Variants in GSE1 observed in about 807,000 individuals in gnomAD.
GSE1 encodes the protein Gse1 coiled-coil protein.
In GSE1, 32 loss-of-function variants were observed where a neutral mutation model predicts 112.6. That is an observed-to-expected ratio of 0.28 (90% CI 0.21 to 0.38). GSE1 has a LOEUF of 0.38. Among genes scored for constraint, GSE1 ranks in the 10% least tolerant of loss-of-function variants. GSE1 has a pLI of 1.00. For synonymous variants in GSE1, 1,115 were observed against 735.6 expected, an observed-to-expected ratio of 1.52 and a Z score of -8.35; for missense variants, 2,348 against 1,699.2, an observed-to-expected ratio of 1.38 and a Z score of -6.71.
At chr16:85,361,348 G>T (rs113159490) in intron 2 of GSE1, among the ~76,000 whole-genome samples, 1 of 99,416 alleles carries the variant, frequency 1.0e-5, no homozygotes, top group Admixed American at 1.1e-4. Context: ...CACACACACA[G>T]GGGCAGAGAC....
intron 2 of GSE1, among the ~76,000 whole-genome samples, chr16:85,641,963 G>T (rs894466313): frequency 2.6e-5 from 4 of 152,236 alleles, no homozygotes; most frequent in African/African-American, 7.2e-5. Flanking sequence ...GTCGGTAGGC[G>T]AAAGTAGAAA....
intron 1 of GSE1, among the ~76,000 whole-genome samples, chr16:85,332,581 T>A (rs1413790277): frequency 1.3e-5 from 2 of 152,138 alleles, no homozygotes; most frequent in Non-Finnish European, 2.9e-5. Context: ...GACCCTCAGC[T>A]GGTGGGACTG....
Position 85,676,011 on chromosome 16 carries a change from G to A in GSE1, c.*3472G>A, listed in dbSNP as rs2053655441. 1 of 152,626 alleles carries A rather than the reference G, an allele frequency of 6.6e-6. No individual in the cohort carries two copies. Among genetic ancestry groups the A allele is most frequent in the East Asian group, 1.9e-4 (1 of 5,196 alleles). The allele number at this position is 152,626 out of a possible 1,614,324, so 9.5% of individuals were successfully genotyped here. A position where few individuals can be genotyped will look rare whatever the true frequency, so the allele number is the denominator to read the frequency against. On this transcript the variant is annotated 3_prime_UTR_variant, in exon 16 of 16. Transcript: ENST00000253458. Reference sequence around the variant, plus strand: ...TAACAGTAAACCCCATACGCAGGTGGGAGGGAGGAACACCGGTGCCTCGGT... The same window carrying A: ...TAACAGTAAACCCCATACGCAGGTGAGAGGGAGGAACACCGGTGCCTCGGT...
chr16:85,466,809 C>T (rs2050137890), intron 2 of GSE1, among the ~76,000 whole-genome samples: 1 of 152,128 alleles, frequency 6.6e-6, no homozygotes, highest in Admixed American at 6.5e-5. Context: ...CCTGTAATCC[C>T]AGCACTTTGG....
At chr16:85,536,242 C>T (rs75144494) in intron 2 of GSE1, among the ~76,000 whole-genome samples, 1,556 of 152,310 alleles carry the variant, frequency 0.01, 32 homozygotes, top group African/African-American at 0.036. Context: ...CCCTGGCTTG[C>T]TTCCTTTAGG....
At chr16:85,616,925 A>G (rs2048406759) in intron 1 of GSE1, among the ~76,000 whole-genome samples, 1 of 151,994 alleles carries the variant, frequency 6.6e-6, no homozygotes, top group Non-Finnish European at 1.5e-5. Context: ...GCGTGGCCAA[A>G]AGCAGCCCTT....
chr16:85,442,021 G>A (rs2049387675), intron 2 of GSE1, among the ~76,000 whole-genome samples: 1 of 152,178 alleles, frequency 6.6e-6, no homozygotes, highest in African/African-American at 2.4e-5. Flanking sequence ...ACCTCCACGT[G>A]GGCCCCTGCT....
chr16:85,249,104 A>C (rs1029467432), intron 1 of GSE1, among the ~76,000 whole-genome samples: 4 of 152,188 alleles, frequency 2.6e-5, no homozygotes, highest in Non-Finnish European at 5.9e-5. Context: ...AAGTCCACAA[A>C]AGCCCTTTTG....
At chr16:85,521,065 G>T (rs2052168652) in intron 2 of GSE1, among the ~76,000 whole-genome samples, 1 of 152,132 alleles carries the variant, frequency 6.6e-6, no homozygotes, top group Admixed American at 6.5e-5. Flanking sequence ...GGTTCTTCGT[G>T]AAGATCTCAG....
chr16:85,631,284 T>G (rs987169192), intron 1 of GSE1, among the ~76,000 whole-genome samples: 7 of 152,244 alleles, frequency 4.6e-5, no homozygotes, highest in Admixed American at 1.3e-4. Context: ...AGCCCCTATG[T>G]TGGCCATGTC....
intron 1 of GSE1, among the ~76,000 whole-genome samples, chr16:85,627,044 C>CTTTTTTTTTTGTTTTTTTTTTTTTT (rs2049132835): frequency 4.0e-5 from 1 of 25,060 alleles, no homozygotes; most frequent in African/African-American, 1.6e-4. Context: ...TTCTTCTTGC[C>CTTTTTTTTTTGTTTTTTTTTTTTTT]TTTTTTTTTT....
rs143247411 is a variant in GSE1, at chr16:85,238,565, C to T, written c.2283+66758C>T. ...TCTGCTTGTCTTGGCTGCCTCTGCT[C>T]GCTCAGCTCTGCCCCCACTGGGGCC... On this transcript the variant is annotated intron_variant, in intron 1 of 2. Transcript: ENST00000637419. Among the ~76,000 whole-genome samples, 1,012 of 152,278 alleles carry T rather than the reference C, an allele frequency of 6.6e-3. 14 individuals are homozygous for T. The highest frequency in any genetic ancestry group is 0.022 in the African/African-American group (926 of 41,566).
chr16:85,535,023 G>A (rs1350364911), intron 2 of GSE1, among the ~76,000 whole-genome samples: 1 of 152,206 alleles, frequency 6.6e-6, no homozygotes, highest in Non-Finnish European at 1.5e-5. Context: ...TCTTAGAGCT[G>A]ATTGTGCGGG....
intron 3 of GSE1, among the ~76,000 whole-genome samples, chr16:85,649,685 C>A (rs368441334): frequency 1.3e-5 from 2 of 152,174 alleles, no homozygotes; most frequent in African/African-American, 4.8e-5. Flanking sequence ...TAATTAAGAG[C>A]GATTCTCAGG....
chr16:85,574,365 G>C (rs116080394), intron 1 of GSE1, among the ~76,000 whole-genome samples: 1,770 of 152,314 alleles, frequency 0.012, 41 homozygotes, highest in African/African-American at 0.041. Context: ...CAGCCAGTTA[G>C]AGGCCAAACT....
intron 1 of GSE1, among the ~76,000 whole-genome samples, chr16:85,246,434 T>TACAC (rs141045364): frequency 0.16 from 7,057 of 44,192 alleles, 861 homozygotes; most frequent in South Asian, 0.27. Context: ...CCATGCTCTC[T>TACAC]ACACACACAC....
At chr16:85,310,131 C>T (rs1004301642) in intron 1 of GSE1, among the ~76,000 whole-genome samples, 10 of 152,188 alleles carry the variant, frequency 6.6e-5, no homozygotes, top group Non-Finnish European at 1.0e-4. Context: ...AGGGGCACCA[C>T]GCAGGCCTGT....
intron 1 of GSE1, among the ~76,000 whole-genome samples, chr16:85,279,434 C>G (rs2044788494): frequency 6.6e-6 from 1 of 152,194 alleles, no homozygotes; most frequent in African/African-American, 2.4e-5. Flanking sequence ...TAGCAAGACC[C>G]TGTCTCTACA....
intron 2 of GSE1, among the ~76,000 whole-genome samples, chr16:85,408,165 C>CT (rs1238036009): frequency 1.2e-4 from 4 of 32,040 alleles, no homozygotes; most frequent in African/African-American, 2.3e-4. Context: ...CAGGGCCCCC[C>CT]GGATAATCCT....
Sources: gnomAD v4.1 joint callset for allele counts (sites outside exome capture counted in the v4.1 genomes callset) on GRCh38, gnomAD v4.1.1 for gene constraint, MANE v1.5 for transcripts, NCBI Gene and HGNC (gene_info 2026-07-23, HGNC 2026-07-21) for gene names.